The following GALNTL5 variants were observed in gnomAD, a reference collection of about 807,000 sequenced individuals.
GALNTL5 encodes polypeptide N-acetylgalactosaminyltransferase like 5.
In GALNTL5, 44 loss-of-function variants were observed where a neutral mutation model predicts 51.0. That is an observed-to-expected ratio of 0.86 (90% CI 0.68 to 1.11). GALNTL5 has a LOEUF of 1.11. GALNTL5 is among the 50% of genes least tolerant of loss of function. The pLI is 0.00. For missense variants in GALNTL5, 528 were observed against 531.8 expected (o/e 0.99, Z 0.07); for synonymous variants, 192 against 182.8 (o/e 1.05, Z -0.41).
At chr7:151,966,607 A>G (rs890482935) in intron 1 of GALNTL5, among the ~76,000 whole-genome samples, 1 of 152,158 alleles carries the variant, frequency 6.6e-6, no homozygotes, top group Admixed American at 6.5e-5. Flanking sequence ...TACTTCAATA[A>G]ACATTCTTGT....
intron 2 of GALNTL5, among the ~76,000 whole-genome samples, chr7:151,968,379 A>G (rs879454550): frequency 6.6e-6 from 1 of 152,222 alleles, no homozygotes; most frequent in Non-Finnish European, 1.5e-5. Context: ...AGAAAATAAG[A>G]GTAGAAATTA....
At chr7:152,012,807 A>C (rs1344172558) in intron 7 of GALNTL5, among the ~76,000 whole-genome samples, 1 of 152,120 alleles carries the variant, frequency 6.6e-6, no homozygotes. Flanking sequence ...TCTCCACCAA[A>C]AATACAAAAA....
At chr7:152,001,850 A>AT (rs540554720) in intron 5 of GALNTL5, among the ~76,000 whole-genome samples, 3 of 152,188 alleles carry the variant, frequency 2.0e-5, no homozygotes, top group Admixed American at 6.5e-5. Flanking sequence ...AAAACATGAG[A>AT]TTTTTTTATA....
chr7:152,014,838 G>A (rs752507234), intron 8 of GALNTL5, 45 bp downstream of exon 8: 2 of 1,550,292 alleles, frequency 1.3e-6, no homozygotes, highest in South Asian at 1.2e-5. Flanking sequence ...CGAGGCCGGA[G>A]CAGGACTTGT....
chr7:151,986,964 T>G (rs1333483209), intron 4 of GALNTL5, among the ~76,000 whole-genome samples, 195 bp from the exon 5 acceptor site: 2 of 152,064 alleles, frequency 1.3e-5, no homozygotes, highest in Admixed American at 6.6e-5. Context: ...TGACCTCAAG[T>G]GATCTGCCTG....
At chr7:152,011,707 C>T (rs10271826) in intron 7 of GALNTL5, among the ~76,000 whole-genome samples, 5,994 of 152,306 alleles carry the variant, frequency 0.039, 408 homozygotes, top group African/African-American at 0.14. Context: ...AATTCTCAAA[C>T]ACCTGCACAA....
intron 5 of GALNTL5, among the ~76,000 whole-genome samples, chr7:151,989,627 G>T (rs2081402003): frequency 1.3e-5 from 2 of 152,138 alleles, no homozygotes; most frequent in African/African-American, 4.8e-5. Flanking sequence ...TGGGAATAAG[G>T]GAATTTTTAT....
Position 151,990,580 on chromosome 7 carries a change from C to CAA in GALNTL5, c.658+3310_658+3311dup, listed in dbSNP as rs575658831. Among the ~76,000 whole-genome samples, 4 of 21,658 alleles carry CAA rather than the reference C, an allele frequency of 1.8e-4. 1 individual carries two copies. The highest frequency in any genetic ancestry group is 5.0e-4 in the African/African-American group (3 of 5,974). The allele number at this position is 21,658 out of a possible 152,430, so 14.2% of individuals were successfully genotyped here. A position where few individuals can be genotyped will look rare whatever the true frequency, so the allele number is the denominator to read the frequency against. On this transcript the variant is annotated intron_variant, in intron 5 of 8. Transcript: ENST00000392800. ...TGGGCGACAGAGCGAGACTCCATCT[C>CAA]AAAAAAAAAAAAGCCCACTTTCTCT...
At chr7:152,006,948 C>T (rs554467744) in intron 6 of GALNTL5, among the ~76,000 whole-genome samples, 12 of 151,768 alleles carry the variant, frequency 7.9e-5, no homozygotes, top group African/African-American at 2.7e-4. Flanking sequence ...TTGTATTTTT[C>T]GTAGAGATGG....
intron 5 of GALNTL5, among the ~76,000 whole-genome samples, chr7:152,001,765 G>T (rs1399796889): frequency 2.0e-5 from 3 of 152,154 alleles, no homozygotes; most frequent in African/African-American, 7.2e-5. Flanking sequence ...AAAAGAGCCA[G>T]CTGGGATTGC....
In GALNTL5 at chr7:151,967,999, A is replaced by G. The variant is rs1383660654; in HGVS notation, c.247+506A>G. Among the ~76,000 whole-genome samples, 9 of 152,328 alleles carry G rather than the reference A, an allele frequency of 5.9e-5. No homozygotes were observed. In the East Asian group the frequency reaches 1.7e-3, roughly 29 times the overall value. On this transcript the variant is annotated intron_variant, in intron 2 of 8. Coordinates refer to ENST00000392800, the MANE Select transcript of GALNTL5 (RefSeq NM_145292.4). ...AGATTATTTTTCCATGTTCCCACACATGAAGACCTAGTTTTGCCAGGCATG... is the reference window on the plus strand; with the variant it reads ...AGATTATTTTTCCATGTTCCCACACGTGAAGACCTAGTTTTGCCAGGCATG...
At chr7:152,006,788 G>A (rs1339637263) in intron 6 of GALNTL5, among the ~76,000 whole-genome samples, 1 of 151,772 alleles carries the variant, frequency 6.6e-6, no homozygotes, top group African/African-American at 2.4e-5. Context: ...TTTTTGGGGG[G>A]GGCGGGACAG....
rs1320234866 is a variant in GALNTL5, at chr7:151,987,166, G to T, written c.543G>T (p.Leu181Phe). ...LVDDMSKVDD[L>F]KEKLDYHLET... Reference sequence around the variant, plus strand: ...TGTTGAATATTTTTCCAGATGATTTGAAAGAAAAACTAGACTATCACCTGG... The same window carrying T: ...TGTTGAATATTTTTCCAGATGATTTTAAAGAAAAACTAGACTATCACCTGG... Residue 181 changes from leucine to phenylalanine, a missense_variant, in exon 5 of 9, where the codon TTG becomes TTT. By Grantham distance (22) the Leu-to-Phe change is conservative (BLOSUM62 0). Transcript: ENST00000392800. 2 of 1,586,244 alleles carry T rather than the reference G, an allele frequency of 1.3e-6. No homozygotes were observed. Among genetic ancestry groups the T allele is most frequent in the East Asian group, 2.3e-5 (1 of 44,208 alleles).
At chr7:151,968,285 T>G (rs1381463452) in intron 2 of GALNTL5, among the ~76,000 whole-genome samples, 2 of 151,646 alleles carry the variant, frequency 1.3e-5, no homozygotes, top group Non-Finnish European at 2.9e-5. Context: ...GGCAACAGAG[T>G]GAGATGCTGC....
intron 5 of GALNTL5, among the ~76,000 whole-genome samples, chr7:151,993,629 TTTTC>T (rs1255288934): frequency 6.6e-6 from 1 of 152,178 alleles, no homozygotes; most frequent in Non-Finnish European, 1.5e-5. Context: ...TTTATACTTT[TTTTC>T]TTTCTGAGAC....
At chr7:151,967,108 G>A (rs1471797803) in intron 1 of GALNTL5, 100 bp from the exon 2 acceptor site, 2 of 682,032 alleles carry the variant, frequency 2.9e-6, no homozygotes, top group Non-Finnish European at 4.9e-6. Flanking sequence ...CCATCAACGT[G>A]ATTGTTTTTA....
intron 3 of GALNTL5, among the ~76,000 whole-genome samples, chr7:151,977,900 T>C (rs1035887066): frequency 1.5e-4 from 23 of 152,184 alleles, no homozygotes; most frequent in African/African-American, 4.8e-4. Context: ...GCTAGTACCA[T>C]ACCTTCTTTC....
chr7:152,018,729 C>T (rs932196669), intron 8 of GALNTL5, among the ~76,000 whole-genome samples: 1 of 152,108 alleles, frequency 6.6e-6, no homozygotes, highest in African/African-American at 2.4e-5. Flanking sequence ...CACCTGCAGG[C>T]TCACCCCCTG....
At chr7:151,979,719 A>T (rs1378965994) in intron 3 of GALNTL5, among the ~76,000 whole-genome samples, 1 of 152,158 alleles carries the variant, frequency 6.6e-6, no homozygotes, top group African/African-American at 2.4e-5. Context: ...GGCCTCCCAA[A>T]GTGCTGGGAT....
Sources: gnomAD v4.1 joint callset for allele counts (sites outside exome capture counted in the v4.1 genomes callset) on GRCh38, gnomAD v4.1.1 for gene constraint, MANE v1.5 for transcripts, NCBI Gene and HGNC (gene_info 2026-07-23, HGNC 2026-07-21) for gene names.